Variants in BTRC observed in about 807,000 individuals in gnomAD.
BTRC encodes beta-transducin repeat containing E3 ubiquitin protein ligase.
A neutral mutation model predicts 85.5 loss-of-function variants in BTRC; 42 were observed. The ratio of observed to expected loss-of-function variants is 0.49; its 90% CI spans 0.38 to 0.64. The LOEUF (loss-of-function observed/expected upper bound fraction) is 0.64. Ranked by LOEUF, BTRC falls within the 30% of genes least tolerant of loss-of-function variation. BTRC has a pLI of 0.00. For missense variants in BTRC, 594 were observed against 743.5 expected (o/e 0.80, Z 2.34); for synonymous variants, 255 against 263.3 (o/e 0.97, Z 0.30).
intron 1 of BTRC, among the ~76,000 whole-genome samples, chr10:101,411,919 T>C (rs752314384): frequency 1.7e-4 from 26 of 152,356 alleles, no homozygotes; most frequent in Non-Finnish European, 3.7e-4. Context: ...GATGCTCTTG[T>C]GGCTGATTTT....
rs373748315 is a variant in BTRC, at chr10:101,500,247, A to G, written c.324+20790A>G. Among the ~76,000 whole-genome samples, 4 of 152,242 alleles carry G rather than the reference A, an allele frequency of 2.6e-5. No homozygotes were observed. The South Asian group carries it at 6.2e-4, about 24-fold the overall frequency. On this transcript the variant is annotated intron_variant, in intron 4 of 14. Coordinates refer to ENST00000370187, the MANE Select transcript of BTRC (RefSeq NM_033637.4). ...ATGGTATACCTATTACTCCTAGGCAACAAACCTGTACACCATGTCAGCATA... is the reference window on the plus strand; with the variant it reads ...ATGGTATACCTATTACTCCTAGGCAGCAAACCTGTACACCATGTCAGCATA...
intron 2 of BTRC, among the ~76,000 whole-genome samples, chr10:101,443,649 T>A (rs57095728): frequency 6.6e-6 from 1 of 152,274 alleles, no homozygotes; most frequent in African/African-American, 2.4e-5. Flanking sequence ...AAAATATGTT[T>A]GAATATGCCA....
At chr10:101,408,596 G>A (rs1943692037) in intron 1 of BTRC, among the ~76,000 whole-genome samples, 1 of 152,166 alleles carries the variant, frequency 6.6e-6, no homozygotes, top group Non-Finnish European at 1.5e-5. Flanking sequence ...ATGAGTCACT[G>A]GGCCTGGCCC....
intron 4 of BTRC, among the ~76,000 whole-genome samples, chr10:101,498,796 G>A (rs1005043539): frequency 2.0e-5 from 3 of 152,066 alleles, no homozygotes; most frequent in Non-Finnish European, 4.4e-5. Context: ...TTCGAGACCA[G>A]CCTGACCAAC....
chr10:101,496,901 T>G (rs936882476), intron 4 of BTRC, among the ~76,000 whole-genome samples: 12 of 152,222 alleles, frequency 7.9e-5, no homozygotes, highest in Middle Eastern at 3.2e-3. Flanking sequence ...CTTTTCACTT[T>G]TTAAATGATG....
chr10:101,442,278 C>G (rs1198844885), intron 2 of BTRC, among the ~76,000 whole-genome samples: 7 of 121,192 alleles, frequency 5.8e-5, no homozygotes, highest in Admixed American at 4.9e-4. Flanking sequence ...CTCTCTCTCT[C>G]TCTCTGTCTC....
chr10:101,373,464 AAG>A (rs1301564380), intron 1 of BTRC, among the ~76,000 whole-genome samples: 5 of 152,186 alleles, frequency 3.3e-5, no homozygotes, highest in Non-Finnish European at 7.3e-5. Context: ...AATGAAGAAA[AAG>A]AGTAAAATAT....
intron 3 of BTRC, among the ~76,000 whole-genome samples, chr10:101,465,525 TTAAA>T (rs1461606695): frequency 1.3e-5 from 2 of 152,150 alleles, no homozygotes; most frequent in Non-Finnish European, 2.9e-5. Flanking sequence ...CTGATGTCTA[TTAAA>T]TAAATTTAAT....
intron 2 of BTRC, among the ~76,000 whole-genome samples, chr10:101,437,046 C>T (rs1944551082): frequency 1.3e-5 from 2 of 152,102 alleles, no homozygotes; most frequent in South Asian, 4.1e-4. Context: ...GACAGAAATG[C>T]TTCTCATTCT....
At chr10:101,497,181 G>A (rs1008292133) in intron 4 of BTRC, among the ~76,000 whole-genome samples, 2 of 152,060 alleles carry the variant, frequency 1.3e-5, no homozygotes, top group Non-Finnish European at 1.5e-5. Context: ...CCATTATACC[G>A]GATTGTTTTC....
chr10:101,436,396 G>A (rs558618816), intron 2 of BTRC, among the ~76,000 whole-genome samples: 2 of 152,172 alleles, frequency 1.3e-5, no homozygotes, highest in African/African-American at 4.8e-5. Flanking sequence ...TATAATCTCA[G>A]CACTTTGGAA....
intron 1 of BTRC, among the ~76,000 whole-genome samples, chr10:101,418,997 C>A: frequency 6.6e-6 from 1 of 151,000 alleles, no homozygotes; most frequent in Non-Finnish European, 1.5e-5. Flanking sequence ...CTCACAGTTT[C>A]TTTTCTTTCT....
intron 13 of BTRC, among the ~76,000 whole-genome samples, chr10:101,543,007 G>C (rs2062492264): frequency 1.3e-5 from 2 of 152,152 alleles, no homozygotes; most frequent in Non-Finnish European, 2.9e-5. Flanking sequence ...CTCCCAAGTA[G>C]CTGGCATTAC....
At chr10:101,463,442 A>G (rs1945282940) in intron 3 of BTRC, among the ~76,000 whole-genome samples, 1 of 152,152 alleles carries the variant, frequency 6.6e-6, no homozygotes, top group Non-Finnish European at 1.5e-5. Flanking sequence ...GGCCTCCCAA[A>G]GTGCTGGGAT....
At chr10:101,386,862 A>G (rs1482859551) in intron 1 of BTRC, among the ~76,000 whole-genome samples, 1 of 152,226 alleles carries the variant, frequency 6.6e-6, no homozygotes, top group Non-Finnish European at 1.5e-5. Flanking sequence ...ATTTAAGATC[A>G]TGAAAATAGC....
At chr10:101,487,312 CA>C (rs1379492483) in intron 4 of BTRC, among the ~76,000 whole-genome samples, 3 of 152,158 alleles carry the variant, frequency 2.0e-5, no homozygotes, top group African/African-American at 7.2e-5. Context: ...TAATTTGTGT[CA>C]AAACCAACTA....
At chr10:101,391,378 T>C (rs951341683) in intron 1 of BTRC, among the ~76,000 whole-genome samples, 6 of 152,220 alleles carry the variant, frequency 3.9e-5, no homozygotes, top group Non-Finnish European at 8.8e-5. Context: ...GCAAATGGAG[T>C]TTATAATACT....
rs896943634 is a variant in BTRC, at chr10:101,535,430, G to A, written c.1424G>A (p.Arg475Lys). Residue 475 changes from arginine to lysine, a missense_variant, in exon 11 of 15, where the codon AGG (arginine) becomes AAG (lysine). Arg to Lys is a conservative substitution (Grantham distance 26). Around this residue, in one of 4 missense-constraint regions of BTRC, gnomAD observed 373 missense variants for 503.6 expected, o/e 0.74. Coordinates refer to ENST00000370187, the MANE Select transcript of BTRC (RefSeq NM_033637.4). ...HKRGIACLQY[R>K]DRLVVSGSSD... ...CGAGGCATTGCCTGTTTGCAGTACAGGGACAGGCTGGTAGTGAGTGGCTCA... is the reference window on the plus strand; with the variant it reads ...CGAGGCATTGCCTGTTTGCAGTACAAGGACAGGCTGGTAGTGAGTGGCTCA... The A allele has an allele frequency of 3.7e-6, 6 of 1,614,074 alleles. No homozygotes were observed. Among genetic ancestry groups the A allele is most frequent in the Non-Finnish European group, 4.2e-6 (5 of 1,179,990 alleles).
chr10:101,362,641 C>T (rs10883625), intron 1 of BTRC, among the ~76,000 whole-genome samples: 54,330 of 151,724 alleles, frequency 0.36, 10,917 homozygotes, highest in Middle Eastern at 0.48. Flanking sequence ...GTGATCCGCC[C>T]GCCTCTGCCT....
Sources: allele counts gnomAD v4.1 joint callset (sites outside exome capture counted in the v4.1 genomes callset), GRCh38; gene constraint gnomAD v4.1.1; regional missense constraint gnomAD v4.1.1; transcripts MANE v1.5; gene names NCBI Gene and HGNC (gene_info 2026-07-23, HGNC 2026-07-21).